The following CHRM2 variants were observed in gnomAD, a reference collection of about 807,000 sequenced individuals.
The protein encoded by CHRM2 is muscarinic acetylcholine receptor M2.
CHRM2 carries 8 observed loss-of-function variants against 25.0 expected under a neutral mutation model. The ratio of observed to expected loss-of-function variants is 0.32; its 90% confidence interval spans 0.19 to 0.58. The LOEUF is 0.58. CHRM2 is among the 20% of genes least tolerant of loss of function. The pLI is 0.88. For missense variants in CHRM2, 440 were observed against 567.1 expected, an observed-to-expected ratio of 0.78 and a Z score of 2.28; for synonymous variants, 202 against 205.7, an observed-to-expected ratio of 0.98 and a Z score of 0.15.
chr7:136,876,784 T>C (rs1032767999), intron 2 of CHRM2, among the ~76,000 whole-genome samples: 1 of 152,124 alleles, frequency 6.6e-6, no homozygotes, highest in African/African-American at 2.4e-5. Flanking sequence ...ATCCTAAATA[T>C]CCTTGAATAT....
chr7:137,017,013 G>C lies in CHRM2; in HGVS notation c.*747G>C, dbSNP rs1303544832. 1 of 165,192 alleles carries C rather than the reference G, an allele frequency of 6.1e-6. No homozygotes were observed. Among genetic ancestry groups the C allele is most frequent in the Non-Finnish European group, 1.5e-5 (1 of 68,030 alleles). The allele number at this position is 165,192 out of a possible 1,614,324, so 10.2% of individuals were successfully genotyped here. A position where few individuals can be genotyped will look rare whatever the true frequency, so the allele number is the denominator to read the frequency against. On this transcript the variant is annotated 3_prime_UTR_variant, in exon 4 of 4. Transcript: ENST00000680005. ...GCCAGAGACAGCCATGAAAATGGAC[G>C]TTTCACCCCTCCTCACTGTGTCCTT... is the stretch of plus-strand genomic sequence containing the variant.
intron 3 of CHRM2, among the ~76,000 whole-genome samples, chr7:137,011,197 G>GTA (rs1335240337): frequency 1.6e-5 from 2 of 128,462 alleles, no homozygotes; most frequent in African/African-American, 7.8e-5. Flanking sequence ...ATGTGTACGT[G>GTA]TGTGTGTGTG....
At chr7:137,012,114 C>A (rs1584923184) in intron 3 of CHRM2, among the ~76,000 whole-genome samples, 1 of 151,954 alleles carries the variant, frequency 6.6e-6, no homozygotes, top group African/African-American at 2.4e-5. Flanking sequence ...TCAATACATT[C>A]ATTTTTTGTA....
intron 2 of CHRM2, among the ~76,000 whole-genome samples, chr7:136,987,731 G>C (rs867513075): frequency 7.9e-5 from 12 of 152,174 alleles, no homozygotes; most frequent in African/African-American, 2.9e-4. Context: ...CAAAAGGTTA[G>C]CCTTTTAAAT....
intron 2 of CHRM2, among the ~76,000 whole-genome samples, chr7:136,970,586 G>GC (rs1253338340): frequency 1.3e-5 from 2 of 152,054 alleles, no homozygotes; most frequent in African/African-American, 2.4e-5. Context: ...TTTATACTGA[G>GC]CACGTAGGTC....
chr7:136,911,965 GATA>G (rs1233716118), intron 2 of CHRM2, among the ~76,000 whole-genome samples: 1 of 151,616 alleles, frequency 6.6e-6, no homozygotes, highest in Non-Finnish European at 1.5e-5. Flanking sequence ...TATTTCTATG[GATA>G]ATACTTTCAA....
chr7:136,957,877 CAA>C (rs1290184288), intron 2 of CHRM2, among the ~76,000 whole-genome samples: 5 of 152,218 alleles, frequency 3.3e-5, no homozygotes, highest in African/African-American at 1.2e-4. Flanking sequence ...TTTATCAATT[CAA>C]AAGTTTTTAA....
chr7:136,950,855 T>A (rs1408794366), intron 2 of CHRM2: 1 of 152,424 alleles, frequency 6.6e-6, no homozygotes, highest in Non-Finnish European at 1.5e-5. Context: ...TTGCTCTGTA[T>A]CTCAGGTTAC....
At chr7:136,891,267 C>A (rs1251345761) in intron 2 of CHRM2, among the ~76,000 whole-genome samples, 2 of 152,164 alleles carry the variant, frequency 1.3e-5, no homozygotes, top group African/African-American at 4.8e-5. Context: ...CCAGATGCCA[C>A]AGTGAATTTA....
rs939254317 is a variant in CHRM2 at position 137,019,160 on chromosome 7, C to G, written c.*2894C>G. 2.0e-5 allele frequency: 3 copies of G among 151,856 alleles called. No individual in the cohort carries two copies. The highest frequency in any genetic ancestry group is 6.6e-5 in the Admixed American group (1 of 15,210). 9.4% of individuals were successfully genotyped at this position (151,856 alleles called of 1,614,324 possible). On this transcript the variant is annotated 3_prime_UTR_variant, in exon 4 of 4. Transcript: ENST00000680005. The stretch of plus-strand genomic sequence containing the variant: ...ACTTTAAGGGATTTCTAAAGCTTGC[C>G]TCTTATTAGTGGGAAAATAACCCTG...
chr7:136,874,779 T>C (rs773662019), intron 2 of CHRM2, among the ~76,000 whole-genome samples: 12 of 152,164 alleles, frequency 7.9e-5, no homozygotes, highest in Non-Finnish European at 1.3e-4. Context: ...ATTAGTAGAA[T>C]ACATTTGTTG....
intron 2 of CHRM2, among the ~76,000 whole-genome samples, chr7:136,962,652 A>C (rs950093718): frequency 6.6e-6 from 1 of 152,218 alleles, no homozygotes; most frequent in Non-Finnish European, 1.5e-5. Flanking sequence ...TTTACTTGGC[A>C]TCAGTTTAAA....
chr7:137,010,623 AC>A (rs1804741242), intron 3 of CHRM2, among the ~76,000 whole-genome samples: 1 of 151,992 alleles, frequency 6.6e-6, no homozygotes, highest in African/African-American at 2.4e-5. Context: ...GAAAGAAATG[AC>A]AGCCTTCCAC....
intron 2 of CHRM2, among the ~76,000 whole-genome samples, chr7:136,935,472 G>A (rs1444270300): frequency 6.6e-6 from 1 of 152,058 alleles, no homozygotes; most frequent in Non-Finnish European, 1.5e-5. Flanking sequence ...AAAATCTAAT[G>A]ATGAAGTTTA....
chr7:137,009,550 C>CA (rs1275423549), intron 3 of CHRM2, among the ~76,000 whole-genome samples: 1 of 152,012 alleles, frequency 6.6e-6, no homozygotes, highest in Non-Finnish European at 1.5e-5. Flanking sequence ...GGTCCCAACT[C>CA]AATGTTGGGG....
At chr7:136,923,494 C>T (rs1584763173) in intron 2 of CHRM2, among the ~76,000 whole-genome samples, 1 of 151,650 alleles carries the variant, frequency 6.6e-6, no homozygotes, top group South Asian at 2.1e-4. Flanking sequence ...TTTTTTTTAC[C>T]CTAATTCAGC....
At chr7:136,936,602 ATG>A (rs1799425995) in intron 2 of CHRM2, among the ~76,000 whole-genome samples, 1 of 139,856 alleles carries the variant, frequency 7.2e-6, no homozygotes, top group South Asian at 2.1e-4. Flanking sequence ...GTGCATGTAC[ATG>A]TCTCTGTCTG....
At position 137,015,914 on chromosome 7, in the gene CHRM2, C is replaced by T. The variant is rs1403597204; in HGVS notation, c.1049C>T (p.Ser350Leu). 1 of 1,613,104 alleles carries T rather than the reference C, an allele frequency of 6.2e-7. No homozygotes were observed. The highest frequency in any genetic ancestry group is 8.5e-7 in the Non-Finnish European group (1 of 1,179,468). Residue 350 changes from serine (S) to leucine (L), a missense_variant, in exon 4 of 4, where the codon TCA (serine) becomes TTA (leucine). Transcript: ENST00000680005. This position sits in a 1 kb window ranked among gnomAD's most constrained non-coding sequence, Gnocchi z 5.1. ...ACCACCGTGGAGGTAGTGGGGTCTT[C>T]AGGTCAGAATGGAGATGAAAAGCAG... ...TNTTVEVVGS[S>L]GQNGDEKQNI...
intron 2 of CHRM2, among the ~76,000 whole-genome samples, chr7:136,980,598 ATTATT>A (rs1802421707): frequency 6.6e-6 from 1 of 152,162 alleles, no homozygotes; most frequent in African/African-American, 2.4e-5. Context: ...AATAGCTCTT[ATTATT>A]TTGAGATGCG....
Sources: allele counts gnomAD v4.1 joint callset (sites outside exome capture counted in the v4.1 genomes callset), GRCh38; gene constraint gnomAD v4.1.1; non-coding constraint Gnocchi (gnomAD v3.1); transcripts MANE v1.5; gene names NCBI Gene and HGNC (gene_info 2026-07-23, HGNC 2026-07-21).